The following AGAP3 variants were observed in gnomAD, a reference collection of about 807,000 sequenced individuals.
AGAP3 encodes the protein ArfGAP with GTPase domain, ankyrin repeat and PH domain 3, also known as arf-GAP with GTPase, ANK repeat and PH domain-containing protein 3.
A neutral mutation model predicts 96.9 loss-of-function variants in AGAP3; 24 were observed. The ratio of observed to expected loss-of-function variants is 0.25; its 90% CI spans 0.18 to 0.35. AGAP3 has a LOEUF of 0.35. AGAP3 is among the 10% of genes least tolerant of loss of function. AGAP3 has a pLI of 1.00. For missense variants in AGAP3, 876 were observed against 1,254.2 expected (o/e 0.70, Z 4.55); for synonymous variants, 563 against 536.1 (o/e 1.05, Z -0.69).
chr7:151,097,182 G>A (rs547721672), intron 1 of AGAP3, among the ~76,000 whole-genome samples: 125 of 152,234 alleles, frequency 8.2e-4, no homozygotes, highest in African/African-American at 2.9e-3. Flanking sequence ...ATTCAAAATT[G>A]TATAAGTTCT....
intron 11 of AGAP3, among the ~76,000 whole-genome samples, chr7:151,135,959 A>T (rs528852406): frequency 6.4e-4 from 98 of 152,072 alleles, no homozygotes; most frequent in South Asian, 8.3e-4. Context: ...TGTGAGGTGG[A>T]TGGAGGGAAG....
chr7:151,124,063 C>T (rs1447990533), intron 9 of AGAP3, among the ~76,000 whole-genome samples, 177 bp downstream of exon 9: 1 of 152,212 alleles, frequency 6.6e-6, no homozygotes, highest in Non-Finnish European at 1.5e-5. Context: ...GCCACCTTCT[C>T]TGCGCCGCCA....
At chr7:151,099,656 C>A (rs970549817) in intron 1 of AGAP3, among the ~76,000 whole-genome samples, 1 of 152,206 alleles carries the variant, frequency 6.6e-6, no homozygotes, top group African/African-American at 2.4e-5. Context: ...GGCCCGGGGA[C>A]TGGCACCGGG....
Position 151,141,548 on chromosome 7 carries a change from C to T in AGAP3, c.1805-350C>T, listed in dbSNP as rs898074084. 7 of 300,638 alleles carry T rather than the reference C, an allele frequency of 2.3e-5. No individual in the cohort carries two copies. Among genetic ancestry groups the T allele is most frequent in the Non-Finnish European group, 3.8e-5 (6 of 157,102 alleles). The allele number at this position is 300,638 out of a possible 1,614,324, so 18.6% of individuals were successfully genotyped here. ...TCCCAGTGTTTGCCTCCTAGCACCC[C>T]GTCACATCCTTCTCCAGATACTCAG... is the stretch of plus-strand genomic sequence containing the variant. On this transcript the variant is annotated intron_variant, in intron 13 of 17. Transcript: ENST00000397238. This position sits in a 1 kb window ranked among gnomAD's most constrained non-coding sequence, Gnocchi z 4.2.
intron 1 of AGAP3, chr7:151,090,126 G>A (rs1190458010): frequency 1.3e-5 from 2 of 152,198 alleles, no homozygotes; most frequent in South Asian, 2.1e-4. Flanking sequence ...AGGAGCCCGG[G>A]ATCTTTCCAG....
chr7:151,140,135 GA>G lies in AGAP3; in HGVS notation c.1804+22del. On this transcript the variant is annotated intron_variant, in intron 13 of 17. Coordinates refer to ENST00000397238, the MANE Select transcript of AGAP3 (RefSeq NM_031946.7). The surrounding 1 kb of genome is among the most constrained non-coding windows in gnomAD (Gnocchi z 5.4). ...ACTGAAGGTTAGGGGGACCCAGAGGGAAACCGGGCACAGGAGGTGGGCAGTG... is the reference window on the plus strand; with the variant it reads ...ACTGAAGGTTAGGGGGACCCAGAGGGAACCGGGCACAGGAGGTGGGCAGTG... 1 of 1,562,634 alleles carries G rather than the reference GA, an allele frequency of 6.4e-7. No individual in the cohort carries two copies. The highest frequency in any genetic ancestry group is 8.6e-7 in the Non-Finnish European group (1 of 1,156,306).
At chr7:151,120,591 G>C in intron 8 of AGAP3, 1 of 1,289,746 alleles carries the variant, frequency 7.8e-7, no homozygotes, top group Non-Finnish European at 1.0e-6. Context: ...GCTAGAGTCA[G>C]AGCCCAGGCC....
intron 12 of AGAP3, among the ~76,000 whole-genome samples, chr7:151,138,593 C>T (rs538600750): frequency 1.0e-3 from 159 of 152,298 alleles, no homozygotes; most frequent in Non-Finnish European, 1.9e-3. Flanking sequence ...TGCCTGGGGC[C>T]GGCGCTAGAG....
At chr7:151,091,179 C>T (rs1798384132) in intron 1 of AGAP3, among the ~76,000 whole-genome samples, 1 of 152,174 alleles carries the variant, frequency 6.6e-6, no homozygotes, top group Admixed American at 6.5e-5. Context: ...CGCCGTGGGC[C>T]CTGCTGCACC....
At chr7:151,127,963 C>A (rs767740856) in intron 9 of AGAP3, among the ~76,000 whole-genome samples, 1 of 152,208 alleles carries the variant, frequency 6.6e-6, no homozygotes, top group Non-Finnish European at 1.5e-5. Flanking sequence ...TTCTAGCCAT[C>A]CAGCCTCTGC....
Position 151,086,826 on chromosome 7 carries a change from C to G in AGAP3, c.85C>G (p.Gln29Glu), listed in dbSNP as rs1459870194. Residue 29 changes from glutamine (Q) to glutamate (E), a missense_variant, in exon 1 of 18, where the codon CAG (glutamine) becomes GAG (glutamate). Coordinates refer to ENST00000397238, the MANE Select transcript of AGAP3 (RefSeq NM_031946.7). The part of the protein sequence containing the change: ...APGGGGAAAQ[Q>E]LVCGGQFGGA... ...GGGGGGCGGCGGCGCTGCCGCGCAG[C>G]AGCTCGTCTGCGGCGGGCAGTTCGG... is the stretch of plus-strand genomic sequence containing the variant. 2.0e-5 allele frequency: 16 copies of G among 808,544 alleles called. No individual in the cohort carries two copies. The highest frequency in any genetic ancestry group is 6.5e-5 in the African/African-American group (1 of 15,392). The allele number at this position is 808,544 out of a possible 1,614,324, so 50.1% of individuals were successfully genotyped here.
Position 151,139,208 on chromosome 7 carries a change from C to T in AGAP3, c.1667-771C>T, listed in dbSNP as rs1330282900. 2.6e-5 allele frequency among the ~76,000 whole-genome samples: 4 copies of T among 152,218 alleles called. No homozygotes were observed. Among genetic ancestry groups the T allele is most frequent in the African/African-American group, 7.2e-5 (3 of 41,454 alleles). ...GCTGATTGGCTTCCCAAAGGCCTTC[C>T]CTGAGCCCTCCCAGTAGGAGCCCTG... On this transcript the variant is annotated intron_variant, in intron 12 of 17. Transcript: ENST00000397238. The surrounding 1 kb of genome is among the most constrained non-coding windows in gnomAD (Gnocchi z 4.9).
intron 7 of AGAP3, chr7:151,119,055 A>C: frequency 4.9e-6 from 1 of 205,050 alleles, no homozygotes; most frequent in Non-Finnish European, 9.9e-6. Context: ...CATTTCAGAG[A>C]CCCTTCCCTT....
At chr7:151,102,365 C>A (rs769276667) in intron 1 of AGAP3, among the ~76,000 whole-genome samples, 15 of 152,308 alleles carry the variant, frequency 9.8e-5, no homozygotes, top group Non-Finnish European at 1.3e-4. Context: ...CACACTCCAG[C>A]ACTTTGTGTT....
At position 151,107,628 on chromosome 7, in the gene AGAP3, AT is replaced by A. The variant is rs112804423; in HGVS notation, c.332-9152del. Among the ~76,000 whole-genome samples, 1,301 of 147,996 alleles carry A rather than the reference AT, an allele frequency of 8.8e-3. 16 individuals carry two copies. Among genetic ancestry groups the A allele is most frequent in the African/African-American group, 0.028 (1,126 of 40,792 alleles). On this transcript the variant is annotated intron_variant, in intron 1 of 17. Coordinates refer to ENST00000397238, the MANE Select transcript of AGAP3 (RefSeq NM_031946.7). The stretch of plus-strand genomic sequence containing the variant: ...GACAAAATGAGACCGTCTCAAAAAA[AT>A]TTTTTTTTTTTTACTTTTGTAAAAA...
chr7:151,099,625 T>C (rs1171523223), intron 1 of AGAP3, among the ~76,000 whole-genome samples: 1 of 152,184 alleles, frequency 6.6e-6, no homozygotes, highest in African/African-American at 2.4e-5. Flanking sequence ...GGCCCTGCTC[T>C]TATGAGATGA....
At position 151,108,374 on chromosome 7, in the gene AGAP3, G is replaced by A. The variant is rs1316768539; in HGVS notation, c.332-8419G>A. ...TGACAGCCACTCCCACCCCCACCCT[G>A]GGGTAATCTCAGTTTCCCTGCTCCT... On this transcript the variant is annotated intron_variant, in intron 1 of 17. Transcript: ENST00000397238. This position sits in a 1 kb window ranked among gnomAD's most constrained non-coding sequence, Gnocchi z 4.2. Among the ~76,000 whole-genome samples, 4 of 152,018 alleles carry A rather than the reference G, an allele frequency of 2.6e-5. No individual in the cohort carries two copies. Among genetic ancestry groups the A allele is most frequent in the Admixed American group, 2.6e-4 (4 of 15,260 alleles).
chr7:151,123,172 C>G (rs1025547963), intron 8 of AGAP3: 65 of 1,067,178 alleles, frequency 6.1e-5, no homozygotes, highest in Non-Finnish European at 7.0e-5. Context: ...GGACCTCTGC[C>G]GTTCCTGCTC....
intron 8 of AGAP3, chr7:151,122,666 C>T (rs1799967484): frequency 3.1e-6 from 5 of 1,604,874 alleles, no homozygotes; most frequent in South Asian, 1.1e-5. Flanking sequence ...CGGTGCTGAC[C>T]GACTTGTGCG....
Sources: allele counts gnomAD v4.1 joint callset (sites outside exome capture counted in the v4.1 genomes callset), GRCh38; gene constraint gnomAD v4.1.1; non-coding constraint Gnocchi (gnomAD v3.1); transcripts MANE v1.5; gene names NCBI Gene and HGNC (gene_info 2026-07-23, HGNC 2026-07-21).